Variants in PLPPR5 observed in about 807,000 individuals in gnomAD.
The protein encoded by PLPPR5 is phospholipid phosphatase-related protein type 5.
A neutral mutation model predicts 33.9 loss-of-function variants in PLPPR5; 16 were observed. The ratio of observed to expected loss-of-function variants is 0.47; its 90% CI spans 0.32 to 0.72. PLPPR5 has a LOEUF of 0.72. PLPPR5 is among the 30% of genes least tolerant of loss of function. The probability of loss-of-function intolerance (pLI) is 0.03; values close to 1 mark genes in which losing one functional copy is unlikely to be tolerated. For missense variants in PLPPR5, 301 were observed against 406.7 expected (o/e 0.74, Z 2.23); for synonymous variants, 163 against 150.3 (o/e 1.08, Z -0.62).
intron 1 of PLPPR5, among the ~76,000 whole-genome samples, chr1:98,960,593 G>A (rs1651209502): frequency 6.6e-6 from 1 of 152,224 alleles, no homozygotes; most frequent in Non-Finnish European, 1.5e-5. Flanking sequence ...TAAGGGCACA[G>A]TGCTAGACAC....
chr1:98,933,426 T>G (rs1346514760), intron 3 of PLPPR5, among the ~76,000 whole-genome samples: 1 of 139,056 alleles, frequency 7.2e-6, no homozygotes, highest in Non-Finnish European at 1.5e-5. Context: ...GAGCTTGCAG[T>G]GAGTTGAGAT....
chr1:98,999,768 G>A (rs1012020096), intron 1 of PLPPR5, among the ~76,000 whole-genome samples: 30 of 152,250 alleles, frequency 2.0e-4, no homozygotes, highest in Middle Eastern at 3.4e-3. Context: ...ATACAATGAC[G>A]CCAGCACCCT....
At chr1:98,907,523 A>C (rs1343579934) in intron 5 of PLPPR5, among the ~76,000 whole-genome samples, 1 of 151,988 alleles carries the variant, frequency 6.6e-6, no homozygotes, top group Non-Finnish European at 1.5e-5. Context: ...TCTTTTTCTT[A>C]ATGCTCTATT....
intron 3 of PLPPR5, among the ~76,000 whole-genome samples, chr1:98,939,756 T>A (rs950561572): frequency 1.3e-5 from 2 of 151,920 alleles, no homozygotes; most frequent in African/African-American, 4.8e-5. Flanking sequence ...CACAGCCGTG[T>A]GTATCCTCAG....
chr1:98,929,729 T>G (rs1199169478), intron 3 of PLPPR5, among the ~76,000 whole-genome samples: 1 of 152,000 alleles, frequency 6.6e-6, no homozygotes, highest in Non-Finnish European at 1.5e-5. Context: ...ACATGGAGAC[T>G]ATTTATCTCC....
intron 1 of PLPPR5, among the ~76,000 whole-genome samples, chr1:98,982,972 G>C (rs756937063): frequency 6.6e-6 from 1 of 152,090 alleles, no homozygotes; most frequent in Non-Finnish European, 1.5e-5. Flanking sequence ...TGCTGCGAGA[G>C]AGCGCATAAC....
intron 1 of PLPPR5, among the ~76,000 whole-genome samples, chr1:98,995,476 G>T (rs568691518): frequency 2.6e-5 from 4 of 152,124 alleles, no homozygotes; most frequent in African/African-American, 4.8e-5. Context: ...AGTTTAAAAA[G>T]AGACTTTCAA....
At chr1:98,969,525 G>C (rs1348954866) in intron 1 of PLPPR5, among the ~76,000 whole-genome samples, 1 of 151,988 alleles carries the variant, frequency 6.6e-6, no homozygotes, top group East Asian at 1.9e-4. Context: ...AGGATATAAG[G>C]ATTTACCTGA....
chr1:98,953,928 A>G (rs2101214585), intron 2 of PLPPR5, among the ~76,000 whole-genome samples: 1 of 152,350 alleles, frequency 6.6e-6, no homozygotes, highest in East Asian at 1.9e-4. Context: ...TTAAAGTCAT[A>G]GAACAGCTAG....
chr1:98,947,851 T>A (rs1650614235), intron 3 of PLPPR5, among the ~76,000 whole-genome samples: 1 of 152,250 alleles, frequency 6.6e-6, no homozygotes, highest in Non-Finnish European at 1.5e-5. Flanking sequence ...TATGAGTGCA[T>A]GCTCAGTAAA....
chr1:98,977,290 G>A (rs565647600), intron 1 of PLPPR5, among the ~76,000 whole-genome samples: 1 of 151,960 alleles, frequency 6.6e-6, no homozygotes, highest in African/African-American at 2.4e-5. Context: ...ATTAGATGCA[G>A]CTTAAACATG....
chr1:98,996,450 A>C (rs1193075143), intron 1 of PLPPR5, among the ~76,000 whole-genome samples: 1 of 152,142 alleles, frequency 6.6e-6, no homozygotes, highest in Non-Finnish European at 1.5e-5. Context: ...TGATTCTTAA[A>C]CTACATCTGT....
At chr1:98,896,157 T>C (rs1339681224) in intron 5 of PLPPR5, among the ~76,000 whole-genome samples, 1 of 152,028 alleles carries the variant, frequency 6.6e-6, no homozygotes, top group African/African-American at 2.4e-5. Flanking sequence ...CAACTTACAT[T>C]ACCAAGGTAT....
intron 3 of PLPPR5, among the ~76,000 whole-genome samples, chr1:98,927,022 T>G (rs1449292999): frequency 6.6e-6 from 1 of 152,178 alleles, no homozygotes; most frequent in East Asian, 1.9e-4. Context: ...ACCATGGACT[T>G]TGCCAGACAG....
intron 1 of PLPPR5, among the ~76,000 whole-genome samples, chr1:98,957,110 C>T (rs1004243602): frequency 1.3e-5 from 2 of 150,104 alleles, no homozygotes; most frequent in Non-Finnish European, 3.0e-5. Context: ...ACCACATATT[C>T]TCACTCATAG....
chr1:98,995,220 A>G (rs1232094235), intron 1 of PLPPR5, among the ~76,000 whole-genome samples: 1 of 152,092 alleles, frequency 6.6e-6, no homozygotes, highest in Non-Finnish European at 1.5e-5. Context: ...TCATCCCAGC[A>G]CTATTCACAA....
intron 1 of PLPPR5, among the ~76,000 whole-genome samples, chr1:99,003,392 C>A (rs1448486914): frequency 6.6e-6 from 1 of 151,702 alleles, no homozygotes; most frequent in Non-Finnish European, 1.5e-5. Context: ...TTCATTCTTC[C>A]TTTCCCCTTC....
At position 98,921,863 on chromosome 1, in the gene PLPPR5, TA is replaced by T. The variant is rs751763393; in HGVS notation, c.798+18del. On this transcript the variant is annotated intron_variant, in intron 4 of 5. Transcript: ENST00000263177. ...AGTTAATTAAAAACCCAATGATATA[TA>T]AATAAATTTGTACTTACCAGAAATA... 56 of 1,583,984 alleles carry T rather than the reference TA, an allele frequency of 3.5e-5. No homozygotes were observed. Among genetic ancestry groups the T allele is most frequent in the Non-Finnish European group, 4.4e-5 (51 of 1,164,004 alleles).
chr1:98,902,360 A>G (rs1648724722), intron 5 of PLPPR5, among the ~76,000 whole-genome samples: 1 of 1,120 alleles, frequency 8.9e-4, no homozygotes, highest in South Asian at 0.5. Context: ...CTTGAAGGTT[A>G]TTTTAAGAAT....
Sources: allele counts gnomAD v4.1 joint callset (sites outside exome capture counted in the v4.1 genomes callset), GRCh38; gene constraint gnomAD v4.1.1; transcripts MANE v1.5; gene names NCBI Gene and HGNC (gene_info 2026-07-23, HGNC 2026-07-21).